GRIN2B: variants seen among roughly 807,000 people sequenced by gnomAD.
GRIN2B encodes the protein glutamate ionotropic receptor NMDA type subunit 2B.
GRIN2B carries 5 observed loss-of-function variants against 114.5 expected under a neutral mutation model. The observed-to-expected ratio is 0.04, with a 90% CI of 0.02 to 0.09. The LOEUF (loss-of-function observed/expected upper bound fraction) is 0.09, where lower values mean the gene tolerates loss of function less well. Among genes scored for constraint, GRIN2B ranks in the 10% least tolerant of loss-of-function variants. GRIN2B has a pLI of 1.00. For missense variants in GRIN2B, 1,108 were observed against 1,943.5 expected, an observed-to-expected ratio of 0.57 and a Z score of 8.08; for synonymous variants, 787 against 745.1, an observed-to-expected ratio of 1.06 and a Z score of -0.92.
At chr12:13,700,765 T>C (rs190296103) in intron 4 of GRIN2B, among the ~76,000 whole-genome samples, 3 of 152,308 alleles carry the variant, frequency 2.0e-5, no homozygotes, top group Admixed American at 6.5e-5. Context: ...AACTGTGAAA[T>C]TGTTAGCAGA....
At chr12:13,864,493 A>G (rs1474975223) in intron 3 of GRIN2B, among the ~76,000 whole-genome samples, 1 of 152,346 alleles carries the variant, frequency 6.6e-6, no homozygotes, top group East Asian at 1.9e-4. Flanking sequence ...GAAACCCAAA[A>G]TGATGAAAAA....
intron 5 of GRIN2B, among the ~76,000 whole-genome samples, chr12:13,658,100 G>A (rs572073505): frequency 2.3e-4 from 35 of 152,044 alleles, no homozygotes; most frequent in African/African-American, 7.7e-4. Flanking sequence ...CCAGCTACTC[G>A]GGAGGCTGAG....
intron 4 of GRIN2B, among the ~76,000 whole-genome samples, chr12:13,723,992 T>G (rs1246910203): frequency 1.3e-5 from 2 of 152,132 alleles, no homozygotes. Flanking sequence ...AGGAAAAGAA[T>G]GGGACCTGGA....
intron 5 of GRIN2B, among the ~76,000 whole-genome samples, chr12:13,623,427 C>T (rs929524092): frequency 1.3e-5 from 2 of 152,216 alleles, no homozygotes; most frequent in African/African-American, 2.4e-5. Flanking sequence ...AGCACAAGAG[C>T]GCATCCTGCT....
At chr12:13,901,051 A>G (rs1380816638) in intron 2 of GRIN2B, among the ~76,000 whole-genome samples, 2 of 152,174 alleles carry the variant, frequency 1.3e-5, no homozygotes, top group Non-Finnish European at 2.9e-5. Flanking sequence ...AATTTAATAG[A>G]TAACGCCAAA....
chr12:13,737,030 C>A (rs376891113), intron 4 of GRIN2B, among the ~76,000 whole-genome samples: 196 of 100,558 alleles, frequency 1.9e-3, no homozygotes, highest in South Asian at 4.4e-3. Context: ...AACTCCATCT[C>A]AAAAAAAAAA....
rs1386889353 is a variant in GRIN2B, at chr12:13,556,105, G to A, written c.*6678C>T. On this transcript the variant is annotated 3_prime_UTR_variant, in exon 14 of 14. Transcript: ENST00000609686. The stretch of plus-strand genomic sequence containing the variant: ...AACAGAGGGGTCTTGAAGGAAGGAA[G>A]ATATAGAAAAGGCAAGGTTGTGGTT... 6.6e-6 allele frequency: 1 copy of A among 152,186 alleles called. No individual in the cohort carries two copies. Among genetic ancestry groups the A allele is most frequent in the Non-Finnish European group, 1.5e-5 (1 of 68,046 alleles). 9.4% of individuals were successfully genotyped at this position (152,186 alleles called of 1,614,324 possible). A position where few individuals can be genotyped will look rare whatever the true frequency, so the allele number is the denominator to read the frequency against.
chr12:13,605,439 T>G (rs772506346), intron 10 of GRIN2B, among the ~76,000 whole-genome samples: 24 of 151,564 alleles, frequency 1.6e-4, no homozygotes, highest in Non-Finnish European at 3.4e-4. Flanking sequence ...ACCCAGGATA[T>G]CAGATGCAGG....
At chr12:13,750,763 G>A (rs1002847269) in intron 4 of GRIN2B, among the ~76,000 whole-genome samples, 31 of 152,198 alleles carry the variant, frequency 2.0e-4, no homozygotes, top group African/African-American at 4.8e-4. Flanking sequence ...CTTGGAGGGC[G>A]TCATTCACTT....
At position 13,773,360 on chromosome 12, in the gene GRIN2B, T is replaced by A. The variant is rs144887068; in HGVS notation, c.412-19445A>T. On this transcript the variant is annotated intron_variant, in intron 3 of 13. Transcript: ENST00000609686. ...AAATGCAGAAATGAGTCATCTCAGA[T>A]CTGTACATGCAGAGCTACGCATCTG... Among the ~76,000 whole-genome samples the A allele has an allele frequency of 1.0e-3, 155 of 152,336 alleles. 3 individuals carry two copies. In the East Asian group the frequency reaches 0.024, roughly 23 times the overall value.
intron 5 of GRIN2B, among the ~76,000 whole-genome samples, chr12:13,659,499 A>G (rs1332914867): frequency 6.6e-6 from 1 of 152,072 alleles, no homozygotes; most frequent in Non-Finnish European, 1.5e-5. Context: ...CCCACTCACA[A>G]ACATTTCATG....
intron 10 of GRIN2B, among the ~76,000 whole-genome samples, chr12:13,591,872 G>A (rs1187702992): frequency 1.3e-5 from 2 of 152,154 alleles, no homozygotes; most frequent in Non-Finnish European, 2.9e-5. Flanking sequence ...CTCACAAACA[G>A]AAATATGCTG....
chr12:13,605,865 C>A (rs540300286), intron 10 of GRIN2B, among the ~76,000 whole-genome samples: 1 of 152,242 alleles, frequency 6.6e-6, no homozygotes, highest in African/African-American at 2.4e-5. Flanking sequence ...CATTTTGATA[C>A]CCATGCAGAT....
intron 2 of GRIN2B, among the ~76,000 whole-genome samples, chr12:13,936,144 G>A (rs1415152184): frequency 2.0e-5 from 3 of 152,162 alleles, no homozygotes; most frequent in African/African-American, 4.8e-5. Context: ...TGAGGGCTGA[G>A]TTATACATGC....
chr12:13,645,795 C>A (rs1949756098), intron 5 of GRIN2B, among the ~76,000 whole-genome samples: 1 of 152,030 alleles, frequency 6.6e-6, no homozygotes, highest in Non-Finnish European at 1.5e-5. Flanking sequence ...AGCATTTCTC[C>A]TGTCCAATTC....
chr12:13,759,117 C>T (rs1863632205), intron 3 of GRIN2B, among the ~76,000 whole-genome samples: 1 of 145,218 alleles, frequency 6.9e-6, no homozygotes, highest in African/African-American at 2.6e-5. Context: ...AAGCAATTCT[C>T]ATGCCTCAGC....
At chr12:13,718,410 G>A (rs1950477111) in intron 4 of GRIN2B, among the ~76,000 whole-genome samples, 1 of 151,984 alleles carries the variant, frequency 6.6e-6, no homozygotes, top group Admixed American at 6.6e-5. Context: ...TTCAAGTGCT[G>A]CGGAGGAAGT....
At chr12:13,632,355 G>A (rs1053242430) in intron 5 of GRIN2B, among the ~76,000 whole-genome samples, 1 of 152,214 alleles carries the variant, frequency 6.6e-6, no homozygotes, top group Admixed American at 6.5e-5. Flanking sequence ...CAATCTGCAG[G>A]AATCACCACA....
At chr12:13,692,755 C>CTTTTTTTTTTTTTT (rs1565502351) in intron 4 of GRIN2B, among the ~76,000 whole-genome samples, 1 of 24,614 alleles carries the variant, frequency 4.1e-5, no homozygotes, top group Non-Finnish European at 8.8e-5. Context: ...ATTAATCTTT[C>CTTTTTTTTTTTTTT]TTTTCTTTTT....
Sources: gnomAD v4.1 joint callset for allele counts (sites outside exome capture counted in the v4.1 genomes callset) on GRCh38, gnomAD v4.1.1 for gene constraint, MANE v1.5 for transcripts, NCBI Gene and HGNC (gene_info 2026-07-23, HGNC 2026-07-21) for gene names.